ROBO2: variants seen among roughly 807,000 people sequenced by gnomAD.
The protein encoded by ROBO2 is roundabout guidance receptor 2.
In ROBO2, 53 loss-of-function variants were observed where a neutral mutation model predicts 160.8. That is an observed-to-expected ratio of 0.33 (90% CI 0.26 to 0.41). ROBO2 has a LOEUF of 0.41. ROBO2 is among the 10% of genes least tolerant of loss of function. ROBO2 has a pLI of 1.00. For missense variants in ROBO2, 1,577 were observed against 1,722.4 expected (o/e 0.92, Z 1.49); for synonymous variants, 664 against 611.7 (o/e 1.09, Z -1.26).
chr3:76,092,222 CT>C (rs1456481711), intron 2 of ROBO2, among the ~76,000 whole-genome samples: 1 of 152,090 alleles, frequency 6.6e-6, no homozygotes, highest in Non-Finnish European at 1.5e-5. Context: ...ATTAGGTTGT[CT>C]GCCTAACACC....
intron 2 of ROBO2, among the ~76,000 whole-genome samples, chr3:76,993,948 A>G (rs953152258): frequency 2.0e-5 from 3 of 152,002 alleles, no homozygotes; most frequent in African/African-American, 4.8e-5. Flanking sequence ...ACAGCTACAC[A>G]TCAGTTACCA....
chr3:77,461,363 G>T (rs1183219426), intron 2 of ROBO2, among the ~76,000 whole-genome samples: 1 of 151,802 alleles, frequency 6.6e-6, no homozygotes, highest in Non-Finnish European at 1.5e-5. Flanking sequence ...TAGATCCAAG[G>T]ATTAGACAAA....
intron 2 of ROBO2, among the ~76,000 whole-genome samples, chr3:76,078,364 T>C (rs951709265): frequency 3.3e-5 from 5 of 152,156 alleles, no homozygotes; most frequent in Admixed American, 2.0e-4. Flanking sequence ...TATTTATTTA[T>C]GTATTTATTT....
chr3:76,807,930 T>C (rs2064863862), intron 2 of ROBO2, among the ~76,000 whole-genome samples: 1 of 152,068 alleles, frequency 6.6e-6, no homozygotes, highest in Admixed American at 6.6e-5. Context: ...GGATTTATTA[T>C]TATTTTACAG....
chr3:76,492,958 C>T (rs1428069812), intron 2 of ROBO2, among the ~76,000 whole-genome samples: 2 of 151,926 alleles, frequency 1.3e-5, no homozygotes, highest in African/African-American at 4.8e-5. Flanking sequence ...GTTATAATTA[C>T]ATTATGTTTT....
intron 2 of ROBO2, among the ~76,000 whole-genome samples, chr3:76,346,993 G>A (rs1490856490): frequency 6.6e-6 from 1 of 152,042 alleles, no homozygotes; most frequent in Non-Finnish European, 1.5e-5. Context: ...TGCCTACATT[G>A]GAGCCAAAGG....
chr3:77,249,659 T>G (rs6548493), intron 2 of ROBO2, among the ~76,000 whole-genome samples: 145,371 of 152,114 alleles, frequency 0.96, 69,843 homozygotes, highest in East Asian at 1. Flanking sequence ...GTTGCCCAAG[T>G]ACTTAAACAT....
chr3:77,285,956 A>G (rs1241262482), intron 2 of ROBO2, among the ~76,000 whole-genome samples: 1 of 152,192 alleles, frequency 6.6e-6, no homozygotes, highest in Non-Finnish European at 1.5e-5. Flanking sequence ...ACCAAAAAGT[A>G]TAAAAGCTAT....
chr3:76,834,171 T>TTCTTTCTCTCTC (rs755070628), intron 2 of ROBO2, among the ~76,000 whole-genome samples: 3 of 117,106 alleles, frequency 2.6e-5, no homozygotes, highest in African/African-American at 9.6e-5. Flanking sequence ...CTTTCTTTCT[T>TTCTTTCTCTCTC]TCTCTCTCTC....
At chr3:77,040,576 C>T (rs752576979) in exon 1 of ROBO2, 22 of 1,427,588 alleles carry the variant, frequency 1.5e-5, no homozygotes, top group Non-Finnish European at 2.0e-5. Flanking sequence ...CTTTGAAGTA[C>T]CCTCTGTTAA....
At chr3:76,694,509 G>A (rs113129215) in intron 2 of ROBO2, among the ~76,000 whole-genome samples, 13 of 151,742 alleles carry the variant, frequency 8.6e-5, no homozygotes, top group Admixed American at 3.9e-4. Context: ...GCCACACAAA[G>A]TCTTTCGACT....
At position 77,011,182 on chromosome 3, in the gene ROBO2, TCTTCCTTC is replaced by T. The variant is rs77321539; in HGVS notation, c.110-86820_110-86813del. On this transcript the variant is annotated intron_variant, in intron 2 of 26. Transcript: ENST00000487694. ...CCCTTCCTTCATTCCATCCTTCCTT[TCTTCCTTC>T]CTTCCTTCCTTTCCCTGTTTATATA... 2.0e-5 allele frequency among the ~76,000 whole-genome samples: 3 copies of T among 149,858 alleles called. No homozygotes were observed. In the East Asian group the frequency reaches 5.9e-4, roughly 30 times the overall value.
chr3:76,836,494 G>A (rs547622273), intron 2 of ROBO2, among the ~76,000 whole-genome samples: 142 of 149,728 alleles, frequency 9.5e-4, no homozygotes, highest in African/African-American at 3.4e-3. Context: ...GGAAAAATAT[G>A]GAATTTGTTT....
chr3:77,410,522 C>T (rs1235904538), intron 2 of ROBO2, among the ~76,000 whole-genome samples: 2 of 149,350 alleles, frequency 1.3e-5, no homozygotes, highest in Admixed American at 1.3e-4. Flanking sequence ...CTTCCTCCTC[C>T]TCCTCTTCCT....
chr3:76,852,155 CT>C (rs1458057195), intron 2 of ROBO2, among the ~76,000 whole-genome samples: 1 of 152,090 alleles, frequency 6.6e-6, no homozygotes, highest in African/African-American at 2.4e-5. Flanking sequence ...CATTGGGAAA[CT>C]TTTTTTACAC....
At chr3:77,554,318 GCT>G (rs1441064351) in intron 8 of ROBO2, among the ~76,000 whole-genome samples, 13 of 151,918 alleles carry the variant, frequency 8.6e-5, no homozygotes, top group African/African-American at 2.9e-4. Flanking sequence ...TGTCACCCAA[GCT>G]CTGATAGAGA....
At chr3:76,809,250 A>G (rs1388680285) in intron 2 of ROBO2, among the ~76,000 whole-genome samples, 4 of 152,066 alleles carry the variant, frequency 2.6e-5, no homozygotes, top group African/African-American at 9.7e-5. Flanking sequence ...GTCTTCTTCA[A>G]GCTCCCTCAG....
intron 2 of ROBO2, among the ~76,000 whole-genome samples, chr3:77,210,809 A>C (rs953007567): frequency 2.9e-4 from 44 of 151,708 alleles, no homozygotes; most frequent in African/African-American, 9.9e-4. Context: ...TCATTGTTCA[A>C]TTCCCACCTA....
chr3:76,089,553 CA>C (rs1166779970), intron 2 of ROBO2, among the ~76,000 whole-genome samples: 1 of 152,084 alleles, frequency 6.6e-6, no homozygotes, highest in Non-Finnish European at 1.5e-5. Flanking sequence ...TGTAACCCAT[CA>C]CATCAACAGA....
Sources: allele counts gnomAD v4.1 joint callset (sites outside exome capture counted in the v4.1 genomes callset), GRCh38; gene constraint gnomAD v4.1.1; transcripts MANE v1.5; gene names NCBI Gene and HGNC (gene_info 2026-07-23, HGNC 2026-07-21).